HIBADH: variants seen among roughly 807,000 people sequenced by gnomAD.
HIBADH encodes the protein 3-hydroxyisobutyrate dehydrogenase, mitochondrial.
A neutral mutation model predicts 36.1 loss-of-function variants in HIBADH; 25 were observed. The ratio of observed to expected loss-of-function variants is 0.69; its 90% confidence interval spans 0.50 to 0.97. The LOEUF is 0.97. Among genes scored for constraint, HIBADH ranks in the 50% least tolerant of loss-of-function variants. The pLI, the probability that HIBADH is intolerant of heterozygous loss-of-function variation, is 0.00. For missense variants in HIBADH, 421 were observed against 418.0 expected, an observed-to-expected ratio of 1.01 and a Z score of -0.06; for synonymous variants, 160 against 149.5, an observed-to-expected ratio of 1.07 and a Z score of -0.51.
In HIBADH at chr7:27,576,286, G is replaced by C. The variant is rs1232043499; in HGVS notation, c.485-33186C>G. 3.3e-5 allele frequency among the ~76,000 whole-genome samples: 5 copies of C among 152,210 alleles called. No homozygotes were observed. The East Asian group carries it at 9.7e-4, about 29-fold the overall frequency. Reference sequence around the variant, plus strand: ...TGGAGGCGGTAACAAGGTTAATTATGTCTCATAATTAGTAATTAAGATTAT... The same window carrying C: ...TGGAGGCGGTAACAAGGTTAATTATCTCTCATAATTAGTAATTAAGATTAT... On this transcript the variant is annotated intron_variant, in intron 4 of 7. Transcript: ENST00000265395.
chr7:27,547,630 C>T (rs1185087608), intron 4 of HIBADH, among the ~76,000 whole-genome samples: 1 of 152,078 alleles, frequency 6.6e-6, no homozygotes, highest in Non-Finnish European at 1.5e-5. Flanking sequence ...CCAAGGATTA[C>T]AGACAAAGCA....
intron 4 of HIBADH, among the ~76,000 whole-genome samples, chr7:27,627,258 G>C (rs1785664782): frequency 6.6e-6 from 1 of 152,284 alleles, no homozygotes; most frequent in Non-Finnish European, 1.5e-5. Flanking sequence ...AAGCCAACCA[G>C]TCTCAAGACC....
At chr7:27,589,564 T>C (rs1200962746) in intron 4 of HIBADH, among the ~76,000 whole-genome samples, 11 of 152,140 alleles carry the variant, frequency 7.2e-5, no homozygotes. Context: ...ATTTTACAGA[T>C]GTAGAAAGGC....
At chr7:27,549,759 C>T (rs1784290574) in intron 4 of HIBADH, among the ~76,000 whole-genome samples, 1 of 152,120 alleles carries the variant, frequency 6.6e-6, no homozygotes, top group Admixed American at 6.5e-5. Context: ...CTTACATCAC[C>T]TCATTCTAAC....
intron 6 of HIBADH, among the ~76,000 whole-genome samples, chr7:27,535,501 G>A (rs560631306): frequency 2.4e-3 from 367 of 152,276 alleles, no homozygotes; most frequent in Non-Finnish European, 4.5e-3. Flanking sequence ...GGCAATGCAA[G>A]TAACTTGTTA....
At chr7:27,624,194 GA>G (rs56357205) in intron 4 of HIBADH, among the ~76,000 whole-genome samples, 109,075 of 150,658 alleles carry the variant, frequency 0.72, 39,432 homozygotes, top group East Asian at 0.94. Flanking sequence ...CACAATATCA[GA>G]AAAAAAAAAA....
At position 27,662,859 on chromosome 7, in the gene HIBADH, C is replaced by T; in HGVS notation, c.-71G>A. ...AGGGCCCACAGACTGCGAGCGTGTG[C>T]AGCGGGACTGGCTGGCTCGCCCACG... On this transcript the variant is annotated 5_prime_UTR_variant, in exon 1 of 8. Coordinates refer to ENST00000265395, the MANE Select transcript of HIBADH (RefSeq NM_152740.4). 3.2e-6 allele frequency: 4 copies of T among 1,232,156 alleles called. No individual in the cohort carries two copies. Among genetic ancestry groups the T allele is most frequent in the Non-Finnish European group, 3.2e-6 (3 of 931,334 alleles). The allele number at this position is 1,232,156 out of a possible 1,614,324, so 76.3% of individuals were successfully genotyped here.
intron 6 of HIBADH, among the ~76,000 whole-genome samples, chr7:27,531,555 G>T (rs1374229235): frequency 6.6e-6 from 1 of 152,052 alleles, no homozygotes; most frequent in Non-Finnish European, 1.5e-5. Flanking sequence ...TTTGAGCCAG[G>T]ACCATTTTGC....
At chr7:27,567,348 T>G (rs2128187570) in intron 4 of HIBADH, among the ~76,000 whole-genome samples, 1 of 152,300 alleles carries the variant, frequency 6.6e-6, no homozygotes, top group African/African-American at 2.4e-5. Flanking sequence ...TATATCTTTT[T>G]CTATACTTTT....
chr7:27,662,771 C>G lies in HIBADH; in HGVS notation c.18G>C (p.Arg6=). 1 of 1,459,182 alleles carries G rather than the reference C, an allele frequency of 6.9e-7. No homozygotes were observed. The highest frequency in any genetic ancestry group is 9.1e-7 in the Non-Finnish European group (1 of 1,104,630). The allele number at this position is 1,459,182 out of a possible 1,614,324, so 90.4% of individuals were successfully genotyped here. The change falls in exon 1 of 8, where the codon CGG becomes CGC. Residue 6 remains arginine (R), a synonymous_variant. Coordinates refer to ENST00000265395, the MANE Select transcript of HIBADH (RefSeq NM_152740.4). The part of the protein sequence containing the change: MAASL[R]LLGAASGLRY... Reference sequence around the variant, plus strand: ...GGAGACCGGAGGCAGCTCCGAGGAGCCGTAAGGAGGCTGCCATGCTGCGCC... The same window carrying G: ...GGAGACCGGAGGCAGCTCCGAGGAGGCGTAAGGAGGCTGCCATGCTGCGCC...
At chr7:27,659,651 G>A (rs371369639) in intron 1 of HIBADH, among the ~76,000 whole-genome samples, 7 of 152,158 alleles carry the variant, frequency 4.6e-5, no homozygotes, top group African/African-American at 1.2e-4. Flanking sequence ...GAGCCCACGA[G>A]GTTGAGGCTG....
At chr7:27,624,380 A>C (rs145897365) in intron 4 of HIBADH, among the ~76,000 whole-genome samples, 115 of 152,350 alleles carry the variant, frequency 7.5e-4, no homozygotes, top group African/African-American at 2.6e-3. Flanking sequence ...CTTCAGAAAG[A>C]GTTTATAACA....
In HIBADH at chr7:27,525,878, A is replaced by G. The variant is rs1223230927; in HGVS notation, c.*336T>C. 1 of 157,750 alleles carries G rather than the reference A, an allele frequency of 6.3e-6. No individual in the cohort carries two copies. The highest frequency in any genetic ancestry group is 2.4e-5 in the African/African-American group (1 of 41,652). 9.8% of individuals were successfully genotyped at this position (157,750 alleles called of 1,614,324 possible). On this transcript the variant is annotated 3_prime_UTR_variant, in exon 8 of 8. Coordinates refer to ENST00000265395, the MANE Select transcript of HIBADH (RefSeq NM_152740.4). The stretch of plus-strand genomic sequence containing the variant: ...TAAGATGGGTTTCATCCTGTTGACA[A>G]AAGATTTGGTTTTATTTGTAAAGTA...
chr7:27,610,414 T>C (rs559202762), intron 4 of HIBADH, among the ~76,000 whole-genome samples: 8 of 152,316 alleles, frequency 5.3e-5, no homozygotes, highest in African/African-American at 1.9e-4. Context: ...TAAGAACACC[T>C]ATCCTGGTAT....
At position 27,525,814 on chromosome 7, in the gene HIBADH, T is replaced by TCTAA. The variant is rs1206804540; in HGVS notation, c.*396_*399dup. The TCTAA allele has an allele frequency of 6.5e-6, 1 of 152,716 alleles. No homozygotes were observed. Among genetic ancestry groups the TCTAA allele is most frequent in the Non-Finnish European group, 1.5e-5 (1 of 68,376 alleles). The allele number at this position is 152,716 out of a possible 1,614,324, so 9.5% of individuals were successfully genotyped here. On this transcript the variant is annotated 3_prime_UTR_variant, in exon 8 of 8. Coordinates refer to ENST00000265395, the MANE Select transcript of HIBADH (RefSeq NM_152740.4). Reference sequence around the variant, plus strand: ...ATAGTAATTCACTGCATTTCCCTTCTCTAACTTCTCTCTTCACACCAATTC... The same window carrying TCTAA: ...ATAGTAATTCACTGCATTTCCCTTCTCTAACTAACTTCTCTCTTCACACCAATTC...
chr7:27,589,463 A>G (rs1185308563), intron 4 of HIBADH, among the ~76,000 whole-genome samples: 1 of 152,198 alleles, frequency 6.6e-6, no homozygotes, highest in Admixed American at 6.5e-5. Context: ...AATAGGAGTA[A>G]TTAACACTAT....
At chr7:27,560,270 C>T (rs538402770) in intron 4 of HIBADH, among the ~76,000 whole-genome samples, 15 of 152,234 alleles carry the variant, frequency 9.9e-5, no homozygotes, top group South Asian at 2.1e-4. Context: ...TACAGGCGTG[C>T]ACCACCACGC....
At chr7:27,570,116 CAG>C (rs1266187562) in intron 4 of HIBADH, among the ~76,000 whole-genome samples, 1 of 152,200 alleles carries the variant, frequency 6.6e-6, no homozygotes, top group African/African-American at 2.4e-5. Flanking sequence ...AACTCATTGC[CAG>C]AGCTTTTGTA....
At chr7:27,552,480 AG>A (rs1784332006) in intron 4 of HIBADH, among the ~76,000 whole-genome samples, 1 of 152,216 alleles carries the variant, frequency 6.6e-6, no homozygotes, top group African/African-American at 2.4e-5. Context: ...TATTTTTCAG[AG>A]TAAGGCTTGT....
Sources: allele counts gnomAD v4.1 joint callset (sites outside exome capture counted in the v4.1 genomes callset), GRCh38; gene constraint gnomAD v4.1.1; transcripts MANE v1.5; gene names NCBI Gene and HGNC (gene_info 2026-07-23, HGNC 2026-07-21).